The following PARD3B variants were observed in gnomAD, a reference collection of about 807,000 sequenced individuals.
PARD3B encodes par-3 family cell polarity regulator beta, also known as partitioning defective 3 homolog B.
PARD3B carries 103 observed loss-of-function variants against 130.2 expected under a neutral mutation model. The ratio of observed to expected loss-of-function variants is 0.79; its 90% confidence interval spans 0.67 to 0.93. PARD3B has a LOEUF of 0.93. Among genes scored for constraint, PARD3B ranks in the 40% least tolerant of loss-of-function variants. The pLI is 0.00. For synonymous variants in PARD3B, 583 were observed against 553.2 expected, an observed-to-expected ratio of 1.05 and a Z score of -0.76; for missense variants, 1,609 against 1,499.2, an observed-to-expected ratio of 1.07 and a Z score of -1.21.
At chr2:205,559,702 G>A (rs921360834) in intron 22 of PARD3B, among the ~76,000 whole-genome samples, 6 of 146,472 alleles carry the variant, frequency 4.1e-5, no homozygotes, top group South Asian at 2.2e-4. Context: ...AAGTTCAAGC[G>A]ATTCTCCTGC....
intron 3 of PARD3B, among the ~76,000 whole-genome samples, chr2:205,030,767 C>T (rs1214149131): frequency 6.6e-6 from 1 of 152,066 alleles, no homozygotes; most frequent in Non-Finnish European, 1.5e-5. Context: ...GGACTGGAAG[C>T]TATGGTAAAT....
intron 22 of PARD3B, among the ~76,000 whole-genome samples, chr2:205,601,927 TGA>T (rs2054802090): frequency 6.6e-6 from 1 of 152,168 alleles, no homozygotes; most frequent in Non-Finnish European, 1.5e-5. Flanking sequence ...ATAGGAGTGG[TGA>T]GAGGGGGCAT....
At chr2:204,639,811 T>C (rs934686136) in intron 1 of PARD3B, among the ~76,000 whole-genome samples, 5 of 152,190 alleles carry the variant, frequency 3.3e-5, no homozygotes, top group African/African-American at 1.2e-4. Context: ...CCTATTATTA[T>C]CTTCATTTAT....
In PARD3B at chr2:204,837,173, C is replaced by T. The variant is rs185764369; in HGVS notation, c.223-127979C>T. ...ACATACATTCTAGTAATAACAATGA[C>T]GTTATCTAGTAAGTTTTCATAAATA... On this transcript the variant is annotated intron_variant, in intron 2 of 22. Transcript: ENST00000406610. Among the ~76,000 whole-genome samples the T allele has an allele frequency of 8.5e-5, 13 of 152,096 alleles. No individual in the cohort carries two copies. In the East Asian group the frequency reaches 1.4e-3, roughly 16 times the overall value.
chr2:204,733,479 CTTTTTTT>C (rs34103852), intron 2 of PARD3B, among the ~76,000 whole-genome samples: 3 of 127,252 alleles, frequency 2.4e-5, no homozygotes, highest in African/African-American at 8.6e-5. Flanking sequence ...CCTTGACAGG[CTTTTTTT>C]TTTTTTTTTT....
At chr2:204,561,435 C>G (rs2031300906) in intron 1 of PARD3B, among the ~76,000 whole-genome samples, 1 of 152,092 alleles carries the variant, frequency 6.6e-6, no homozygotes, top group Non-Finnish European at 1.5e-5. Context: ...GCTGAGTGGA[C>G]TTTCTTGCCC....
At chr2:205,475,855 A>G (rs934653405) in intron 20 of PARD3B, among the ~76,000 whole-genome samples, 1 of 152,188 alleles carries the variant, frequency 6.6e-6, no homozygotes, top group Non-Finnish European at 1.5e-5. Context: ...GATTTGGTGC[A>G]GCAGTTTGAA....
rs544115069 is a variant in PARD3B, at chr2:205,507,096, C to T, written c.3180+7065C>T. 7.3e-5 allele frequency among the ~76,000 whole-genome samples: 11 copies of T among 150,024 alleles called. No homozygotes were observed. In the South Asian group the frequency reaches 1.9e-3, roughly 26 times the overall value. On this transcript the variant is annotated intron_variant, in intron 21 of 22. Transcript: ENST00000406610. Reference sequence around the variant, plus strand: ...GTCTCTCTGTAGATCAGGAAACATCCTGGAGTGGATGTTCAGCACAATTCT... The same window carrying T: ...GTCTCTCTGTAGATCAGGAAACATCTTGGAGTGGATGTTCAGCACAATTCT...
chr2:205,491,695 G>A (rs115076565), intron 20 of PARD3B, among the ~76,000 whole-genome samples: 19 of 152,236 alleles, frequency 1.2e-4, no homozygotes, highest in African/African-American at 3.9e-4. Context: ...ACAAGTCTTC[G>A]AGCTATAGGA....
chr2:205,375,727 A>C (rs2045019749), intron 18 of PARD3B, among the ~76,000 whole-genome samples: 2 of 152,180 alleles, frequency 1.3e-5, no homozygotes, highest in African/African-American at 4.8e-5. Flanking sequence ...GCTAGAAGGG[A>C]GGAGGAAGAG....
At chr2:204,896,115 C>A (rs764801498) in intron 2 of PARD3B, among the ~76,000 whole-genome samples, 21 of 152,300 alleles carry the variant, frequency 1.4e-4, no homozygotes, top group Admixed American at 5.9e-4. Flanking sequence ...ACCTCTCACA[C>A]TGTATTCTCT....
At chr2:204,945,440 A>C (rs957706685) in intron 2 of PARD3B, among the ~76,000 whole-genome samples, 4 of 152,194 alleles carry the variant, frequency 2.6e-5, no homozygotes, top group African/African-American at 9.6e-5. Flanking sequence ...AGCTCCTCAA[A>C]GGGAAAGCTT....
At chr2:205,111,668 A>G (rs1271188129) in intron 5 of PARD3B, among the ~76,000 whole-genome samples, 1 of 152,080 alleles carries the variant, frequency 6.6e-6, no homozygotes, top group African/African-American at 2.4e-5. Context: ...ACACATTCCA[A>G]ATGCCTCTAG....
intron 2 of PARD3B, among the ~76,000 whole-genome samples, chr2:204,956,515 C>CTT (rs1383593253): frequency 2.8e-5 from 4 of 142,704 alleles, no homozygotes; most frequent in South Asian, 4.2e-4. Context: ...AGAAAAACTA[C>CTT]TTGTGTGTGT....
chr2:205,190,335 G>A (rs1374579562), intron 14 of PARD3B, among the ~76,000 whole-genome samples: 1 of 152,184 alleles, frequency 6.6e-6, no homozygotes, highest in African/African-American at 2.4e-5. Context: ...CACTTTAAAT[G>A]CAATCTGATC....
intron 20 of PARD3B, among the ~76,000 whole-genome samples, chr2:205,475,179 C>T (rs571778079): frequency 4.6e-5 from 7 of 152,122 alleles, no homozygotes; most frequent in South Asian, 2.1e-4. Flanking sequence ...AATAGAATAG[C>T]GTCCCTTTGA....
At chr2:204,659,552 A>G (rs1476946396) in intron 1 of PARD3B, among the ~76,000 whole-genome samples, 2 of 152,172 alleles carry the variant, frequency 1.3e-5, no homozygotes, top group Non-Finnish European at 2.9e-5. Context: ...CCAGTTGATT[A>G]CCATTACACT....
At chr2:205,156,920 G>T (rs2034208631) in intron 10 of PARD3B, among the ~76,000 whole-genome samples, 1 of 152,158 alleles carries the variant, frequency 6.6e-6, no homozygotes. Flanking sequence ...TGCAAAGAGT[G>T]GTTGTCAGTC....
At chr2:205,595,283 G>A (rs930723350) in intron 22 of PARD3B, among the ~76,000 whole-genome samples, 1 of 152,224 alleles carries the variant, frequency 6.6e-6, no homozygotes, top group African/African-American at 2.4e-5. Flanking sequence ...GAACAGGTGG[G>A]CAGGTTTTGA....
Sources: gnomAD v4.1 joint callset for allele counts (sites outside exome capture counted in the v4.1 genomes callset) on GRCh38, gnomAD v4.1.1 for gene constraint, MANE v1.5 for transcripts, NCBI Gene and HGNC (gene_info 2026-07-23, HGNC 2026-07-21) for gene names.